Variants in LCORL observed in about 807,000 individuals in gnomAD.
LCORL encodes the protein ligand dependent nuclear receptor corepressor like.
Under a neutral mutation model 141.8 loss-of-function variants are expected in LCORL, and 41 were observed. The observed-to-expected ratio is 0.29, with a 90% CI of 0.23 to 0.38. The LOEUF (loss-of-function observed/expected upper bound fraction) is 0.38, where lower values mean the gene tolerates loss of function less well. Among genes scored for constraint, LCORL ranks in the 10% least tolerant of loss-of-function variants. LCORL has a pLI of 1.00. For missense variants in LCORL, 1,759 were observed against 2,035.0 expected (o/e 0.86, Z 2.61); for synonymous variants, 618 against 694.1 (o/e 0.89, Z 1.72).
At chr4:17,968,494 T>C (rs765078992) in intron 2 of LCORL, among the ~76,000 whole-genome samples, 2 of 152,178 alleles carry the variant, frequency 1.3e-5, no homozygotes, top group Non-Finnish European at 2.9e-5. Context: ...ATTAAACAAA[T>C]GTTATTAAAA....
At chr4:17,909,913 T>C (rs1732249044) in intron 4 of LCORL, among the ~76,000 whole-genome samples, 1 of 152,150 alleles carries the variant, frequency 6.6e-6, no homozygotes, top group African/African-American at 2.4e-5. Context: ...AATAGTACAA[T>C]GACATAGCTT....
At chr4:17,912,275 A>G in intron 4 of LCORL, 1 of 687,654 alleles carries the variant, frequency 1.5e-6, no homozygotes, top group Admixed American at 1.8e-5. Context: ...GATGAAACCA[A>G]TGTCACTTGG....
chr4:17,843,615 G>GTC (rs1560238478), exon 8 of LCORL: 1 of 481,394 alleles, frequency 2.1e-6, no homozygotes, highest in Non-Finnish European at 3.7e-6. Flanking sequence ...CAGAAAAAGT[G>GTC]TGCATCAGTC....
At chr4:17,900,702 T>C (rs1325635306) in intron 5 of LCORL, among the ~76,000 whole-genome samples, 1 of 152,000 alleles carries the variant, frequency 6.6e-6, no homozygotes, top group Non-Finnish European at 1.5e-5. Context: ...AATTAGTAAA[T>C]TGGGAAATAT....
intron 1 of LCORL, among the ~76,000 whole-genome samples, chr4:17,992,276 A>G (rs1720161448): frequency 6.6e-6 from 1 of 152,188 alleles, no homozygotes; most frequent in Admixed American, 6.5e-5. Context: ...AAAGCCCCTT[A>G]TATAAAACCA....
At chr4:17,887,349 G>T (rs1728416117) in intron 5 of LCORL, among the ~76,000 whole-genome samples, 1 of 152,008 alleles carries the variant, frequency 6.6e-6, no homozygotes, top group South Asian at 2.1e-4. Context: ...GTGCCACCCT[G>T]GAAAATAACA....
At chr4:17,870,326 TC>T (rs941549636) in intron 7 of LCORL, among the ~76,000 whole-genome samples, 2 of 152,116 alleles carry the variant, frequency 1.3e-5, no homozygotes, top group Non-Finnish European at 2.9e-5. Flanking sequence ...CTGCTTGCTC[TC>T]TTTTGTCATC....
At chr4:17,882,447 T>C in intron 6 of LCORL, 1 of 984,628 alleles carries the variant, frequency 1.0e-6, no homozygotes, top group Non-Finnish European at 1.2e-6. Flanking sequence ...GACCCATATT[T>C]TAAAACTGCT....
At chr4:17,976,272 T>C (rs1321753794) in intron 1 of LCORL, among the ~76,000 whole-genome samples, 1 of 152,208 alleles carries the variant, frequency 6.6e-6, no homozygotes, top group East Asian at 1.9e-4. Flanking sequence ...TTTATTAAAA[T>C]AGTTGGATTT....
intron 5 of LCORL, among the ~76,000 whole-genome samples, chr4:17,886,764 C>T (rs1409425554): frequency 2.6e-5 from 4 of 152,030 alleles, no homozygotes; most frequent in East Asian, 1.9e-4. Flanking sequence ...ACATAATTTA[C>T]GATAATGCAA....
chr4:17,939,376 T>C (rs927994076), intron 4 of LCORL, among the ~76,000 whole-genome samples: 5 of 152,208 alleles, frequency 3.3e-5, no homozygotes, highest in Non-Finnish European at 7.3e-5. Flanking sequence ...CTGATATAAA[T>C]AGCTTTCATA....
At chr4:17,853,081 A>C (rs1424703960) in intron 7 of LCORL, among the ~76,000 whole-genome samples, 2 of 149,284 alleles carry the variant, frequency 1.3e-5, no homozygotes, top group Admixed American at 1.3e-4. Context: ...TTAACAATAC[A>C]ACATTCAGTC....
At chr4:17,895,193 T>G (rs1229274411) in intron 5 of LCORL, among the ~76,000 whole-genome samples, 2 of 152,068 alleles carry the variant, frequency 1.3e-5, no homozygotes, top group Non-Finnish European at 2.9e-5. Flanking sequence ...AAAATATTCT[T>G]TTAGCTGTTT....
chr4:17,897,784 CT>C (rs1199039205), intron 5 of LCORL, among the ~76,000 whole-genome samples: 2 of 152,110 alleles, frequency 1.3e-5, no homozygotes, highest in African/African-American at 2.4e-5. Context: ...CGTCTTTGGG[CT>C]TCCTTGCCTG....
intron 4 of LCORL, among the ~76,000 whole-genome samples, chr4:17,924,943 G>A (rs537370115): frequency 8.5e-5 from 13 of 152,164 alleles, no homozygotes; most frequent in Non-Finnish European, 1.6e-4. Context: ...CCATAGCCAG[G>A]ATTCACGGGT....
At chr4:18,006,621 A>G (rs1286086533) in intron 1 of LCORL, among the ~76,000 whole-genome samples, 1 of 152,218 alleles carries the variant, frequency 6.6e-6, no homozygotes, top group Non-Finnish European at 1.5e-5. Context: ...TGAAAGGCAC[A>G]TCTCAGATGG....
chr4:18,021,695 G>GGCAGCA lies in LCORL; in HGVS notation c.56_57insTGCTGC (p.Ala21_Ala22dup). On this transcript the variant is annotated inframe_insertion, in exon 1 of 8. Coordinates refer to ENST00000635767, the Ensembl canonical transcript of LCORL. This position sits in a 1 kb window ranked among gnomAD's most constrained non-coding sequence, Gnocchi z 5.5. ...GAGGGCTCCGGCACTGAGCGGCGGC[G>GGCAGCA]GCGGCGGCGGCAGCAGCGGCGGCGG... is the stretch of plus-strand genomic sequence containing the variant. The GGCAGCA allele has an allele frequency of 6.5e-7, 1 of 1,533,034 alleles. No individual in the cohort carries two copies. 95.0% of individuals were successfully genotyped at this position (1,533,034 alleles called of 1,614,324 possible).
At chr4:17,896,281 CCTCT>C (rs371831539) in intron 5 of LCORL, among the ~76,000 whole-genome samples, 12 of 150,878 alleles carry the variant, frequency 8.0e-5, no homozygotes, top group African/African-American at 2.4e-4. Flanking sequence ...CCTTTCCTTC[CCTCT>C]CTCTCTCTCT....
At chr4:17,876,137 T>C (rs1560277305) in exon 7 of LCORL, 11 of 1,230,956 alleles carry the variant, frequency 8.9e-6, no homozygotes, top group Middle Eastern at 3.1e-4. Context: ...TGGAAACAGA[T>C]GAACTTTCAG....
Sources: allele counts gnomAD v4.1 joint callset (sites outside exome capture counted in the v4.1 genomes callset), GRCh38; gene constraint gnomAD v4.1.1; non-coding constraint Gnocchi (gnomAD v3.1); transcripts MANE v1.5; gene names NCBI Gene and HGNC (gene_info 2026-07-23, HGNC 2026-07-21).